ZMYM3: variants seen among roughly 807,000 people sequenced by gnomAD.
The protein encoded by ZMYM3 is zinc finger MYM-type containing 3.
ZMYM3 carries 6 observed loss-of-function variants against 94.2 expected under a neutral mutation model. That is an observed-to-expected ratio of 0.06 (90% CI 0.03 to 0.13). The LOEUF (loss-of-function observed/expected upper bound fraction) is 0.13. Among genes scored for constraint, ZMYM3 ranks in the 10% least tolerant of loss-of-function variants. The pLI, the probability that ZMYM3 is intolerant of heterozygous loss-of-function variation, is 1.00. For synonymous variants in ZMYM3, 420 were observed against 426.5 expected (o/e 0.98, Z 0.19); for missense variants, 664 against 1,132.6 (o/e 0.59, Z 5.94).
rs765302474 is a variant in ZMYM3, at chrX:71,247,905, G to C, written c.1977C>G (p.Gly659=). The C allele has an allele frequency of 1.3e-5, 16 of 1,187,889 alleles. No individual in the cohort carries two copies. The highest frequency in any genetic ancestry group is 1.7e-5 in the Non-Finnish European group (15 of 882,803). Reference sequence around the variant, plus strand: ...AGTCCTGTTTGTACAGCAGCACACAGCCTGGAAAGAGGAGAAGAGGAAAGA... The same window carrying C: ...AGTCCTGTTTGTACAGCAGCACACACCCTGGAAAGAGGAGAAGAGGAAAGA... The part of the protein sequence containing the change: ...SGVEKSFCSE[G]CVLLYKQDFT... Residue 659 remains glycine, a splice_region_variant and synonymous_variant, in exon 12 of 25, where the codon GGC becomes GGG. Coordinates refer to ENST00000314425, the MANE Select transcript of ZMYM3 (RefSeq NM_201599.3).
intron 20 of ZMYM3, 83 bp from the exon 21 acceptor site, chrX:71,244,063 T>A: frequency 9.0e-7 from 1 of 1,110,955 alleles, no homozygotes; most frequent in Non-Finnish European, 1.2e-6. Context: ...CATTAACCCC[T>A]CCATCCCTTA....
At chrX:71,251,525 GA>G (rs1361460212) in intron 3 of ZMYM3, 32 bp downstream of exon 3, 15 of 1,174,263 alleles carry the variant, frequency 1.3e-5, no homozygotes, top group Non-Finnish European at 1.7e-5. Context: ...AGCTAAGGGG[GA>G]ACCAGACTCC....
chrX:71,247,919 G>A lies in ZMYM3; in HGVS notation c.1976-13C>T. The A allele has an allele frequency of 2.5e-6, 3 of 1,177,361 alleles. No individual in the cohort carries two copies. Among genetic ancestry groups the A allele is most frequent in the Non-Finnish European group, 3.4e-6 (3 of 876,997 alleles). On this transcript the variant is annotated splice_polypyrimidine_tract_variant and intron_variant, in intron 11 of 24. Transcript: ENST00000314425. ...AGCAGCACACAGCCTGGAAAGAGGA[G>A]AAGAGGAAAGAGAGTCCAGAGACAC... is the stretch of plus-strand genomic sequence containing the variant.
chrX:71,250,394 T>C, intron 5 of ZMYM3, 38 bp downstream of exon 5: 2 of 1,169,985 alleles, frequency 1.7e-6, no homozygotes, highest in Non-Finnish European at 2.3e-6. Flanking sequence ...CCTGCCCAGA[T>C]CCCTGCCCTC....
rs749424039 is a variant in ZMYM3, at chrX:71,252,665, C to G, written c.591G>C (p.Glu197Asp). 14 of 1,175,860 alleles carry G rather than the reference C, an allele frequency of 1.2e-5. No homozygotes were observed. Among genetic ancestry groups the G allele is most frequent in the Non-Finnish European group, 1.6e-5 (14 of 880,156 alleles). ...AACTGTTGATTCCATCCCCCAGAGT[C>G]TCTCCCACTGAAGGGCTAGGCGGGG... Reference protein sequence around the residue: ...PNAPPSPSVGETLGDGINSSQ... With the variant: ...PNAPPSPSVGDTLGDGINSSQ... The change falls in exon 2 of 25, where the codon GAG becomes GAC. Residue 197 changes from glutamate (E) to aspartate (D), a missense_variant. Transcript: ENST00000314425.
In ZMYM3 at chrX:71,246,980, G is replaced by A. The variant is rs2082255996; in HGVS notation, c.2315-288C>T. On this transcript the variant is annotated intron_variant, in intron 13 of 24. Transcript: ENST00000314425. ...TCTGTTATCCCTGGAGTTGTGGAGG[G>A]GCAGGGGTAACATTCTAGAAATAGC... Among the ~76,000 whole-genome samples the A allele has an allele frequency of 3.6e-5, 4 of 111,104 alleles. No homozygotes were observed. The South Asian group carries it at 1.5e-3, about 42-fold the overall frequency.
intron 14 of ZMYM3, 33 bp downstream of exon 14, chrX:71,246,562 G>A: frequency 8.3e-7 from 1 of 1,207,252 alleles, no homozygotes; most frequent in Non-Finnish European, 1.1e-6. Context: ...ACCCTCCTCT[G>A]AGATTATCCT....
At chrX:71,254,666 A>T (rs1294646990), upstream of ZMYM3, 2 of 76,019 alleles carry the variant, frequency 2.6e-5, no homozygotes, top group Non-Finnish European at 4.9e-5. Context: ...TACCTACGCC[A>T]TGCAGCAGGC....
At chrX:71,244,641 G>T in intron 19 of ZMYM3, 149 bp downstream of exon 19, 1 of 769,101 alleles carries the variant, frequency 1.3e-6, no homozygotes, top group Non-Finnish European at 1.9e-6. Context: ...GAGATGGGGG[G>T]AGAGCAAAGT....
chrX:71,253,092 C>A lies in ZMYM3; in HGVS notation c.164G>T (p.Gly55Val), dbSNP rs1420283380. The change falls in exon 2 of 25, where the codon GGA becomes GTA. Residue 55 changes from glycine (G) to valine (V), a missense_variant. By Grantham distance (109) the Gly-to-Val change is moderately radical (BLOSUM62 -3). This residue lies in a region of ZMYM3 where 196 missense variants were observed against 190.8 expected (regional missense o/e 1.03). Coordinates refer to ENST00000314425, the MANE Select transcript of ZMYM3 (RefSeq NM_201599.3). ...AGGGGTATCAAGCAGGTCCAGGGCT[C>A]CCGAGGATGGAGAAGGGCCAGGGGG... ...WAPPGPSPSS[G>V]ALDLLDTPAG... is the part of the protein sequence containing the mutation. The A allele has an allele frequency of 1.7e-6, 2 of 1,202,013 alleles. No homozygotes were observed. Among genetic ancestry groups the A allele is most frequent in the Non-Finnish European group, 1.1e-6 (1 of 890,551 alleles).
chrX:71,249,708 T>C, intron 6 of ZMYM3, 29 bp from the exon 7 acceptor site: 3 of 1,198,020 alleles, frequency 2.5e-6, no homozygotes, highest in Non-Finnish European at 3.4e-6. Context: ...CACCCTGAGC[T>C]AGGGCCTGGC....
At chrX:71,255,084 A>ATCTCCC (rs2030690935), upstream of ZMYM3, 2 of 20,823 alleles carry the variant, frequency 9.6e-5, no homozygotes, top group Non-Finnish European at 1.0e-4. Flanking sequence ...ACCAGGGCTG[A>ATCTCCC]TCTCTCTCTC....
Position 71,248,252 on chromosome X carries a change from C to T in ZMYM3, c.1885G>A (p.Val629Met), listed in dbSNP as rs945243252. The stretch of plus-strand genomic sequence containing the variant: ...CGACAGTGCTCACACTGGGACACCA[C>T]ACCCCGAAGCCGCTTGAAGTCCTCA... The part of the protein sequence containing the change: ...CCEDFKRLRG[V>M]VSQCEHCRQE... Residue 629 changes from valine (V) to methionine (M), a missense_variant, in exon 11 of 25, where the codon GTG becomes ATG. By Grantham distance (21) the Val-to-Met change is conservative (BLOSUM62 1). Around this residue, in one of 9 missense-constraint regions of ZMYM3, gnomAD observed 159 missense variants for 313.0 expected, o/e 0.51. Coordinates refer to ENST00000314425, the MANE Select transcript of ZMYM3 (RefSeq NM_201599.3). 1.7e-6 allele frequency: 2 copies of T among 1,209,165 alleles called. No individual in the cohort carries two copies. The highest frequency in any genetic ancestry group is 2.2e-6 in the Non-Finnish European group (2 of 894,128).
chrX:71,241,281 C>A lies in ZMYM3; in HGVS notation c.3866G>T (p.Arg1289Leu). ...EAPILEQREN[R>L]MNPLRCPVKF... ...GACAGGGCAGCGGAGGGGATTCATG[C>A]GGTTCTCACGCTGCTCTAAGATAGG... Residue 1289 changes from arginine to leucine, a missense_variant, in exon 24 of 25, where the codon CGC (arginine) becomes CTC (leucine). Around this residue, in one of 9 missense-constraint regions of ZMYM3, gnomAD observed 58 missense variants for 112.4 expected, o/e 0.52. Coordinates refer to ENST00000314425, the MANE Select transcript of ZMYM3 (RefSeq NM_201599.3). The A allele has an allele frequency of 8.3e-7, 1 of 1,207,974 alleles. No individual in the cohort carries two copies. Among genetic ancestry groups the A allele is most frequent in the South Asian group, 1.8e-5 (1 of 56,386 alleles).
chrX:71,248,130 A>C (rs1347308992), intron 11 of ZMYM3, 32 bp downstream of exon 11: 1 of 1,205,775 alleles, frequency 8.3e-7, no homozygotes, highest in African/African-American at 1.7e-5. Flanking sequence ...GCTGGGAGTT[A>C]TAGTGTCTTC....
rs752017260 is a variant in ZMYM3 at position 71,248,011 on chromosome X, C to T, written c.1976-105G>A. Reference sequence around the variant, plus strand: ...TACCTGAAACCTCTCTCTAAGCAGCCCCTTGTGCCCAAAACTTTAGGGGAG... The same window carrying T: ...TACCTGAAACCTCTCTCTAAGCAGCTCCTTGTGCCCAAAACTTTAGGGGAG... On this transcript the variant is annotated intron_variant, in intron 11 of 24. Transcript: ENST00000314425. 8.3e-6 allele frequency: 9 copies of T among 1,086,334 alleles called. No individual in the cohort carries two copies. The Admixed American group carries it at 1.8e-4, about 22-fold the overall frequency. 89.5% of individuals were successfully genotyped at this position (1,086,334 alleles called of 1,213,427 possible). A position where few individuals can be genotyped will look rare whatever the true frequency, so the allele number is the denominator to read the frequency against.
At chrX:71,243,608 C>CTT in intron 21 of ZMYM3, 1 of 368,733 alleles carries the variant, frequency 2.7e-6, no homozygotes, top group Non-Finnish European at 4.6e-6. Context: ...AGAATAACTG[C>CTT]TTTTTTTTTT....
chrX:71,247,809 G>A lies in ZMYM3; in HGVS notation c.2073C>T (p.Thr691=), dbSNP rs756698537. 4.7e-5 allele frequency: 57 copies of A among 1,210,195 alleles called. No individual in the cohort carries two copies. Among genetic ancestry groups the A allele is most frequent in the Admixed American group, 6.6e-5 (3 of 45,793 alleles). ...CCCAGGTGCTGCCATCCAGTTGCTCGGTGACTCCGCGCTGGCAGGTCTGGG... is the reference window on the plus strand; with the variant it reads ...CCCAGGTGCTGCCATCCAGTTGCTCAGTGACTCCGCGCTGGCAGGTCTGGG... ...YCSQTCQRGV[T]EQLDGSTWDF... The change falls in exon 12 of 25, where the codon ACC becomes ACT. Residue 691 remains threonine, a synonymous_variant. Coordinates refer to ENST00000314425, the MANE Select transcript of ZMYM3 (RefSeq NM_201599.3).
At position 71,253,149 on chromosome X, in the gene ZMYM3, TC is replaced by T; in HGVS notation, c.106del (p.Glu36AsnfsTer77). On this transcript the variant is annotated frameshift_variant, in exon 2 of 25. Transcript: ENST00000314425. LOFTEE classifies it high-confidence loss of function. ...TCCTCGAGTTGGGGCAGTCTGGGAT[TC>T]CAGTAGATCCTCTCCAAATTCCATG... is the stretch of plus-strand genomic sequence containing the variant. The part of the protein sequence containing the change: ...VDMEFGEDLL[E>X]SQTAPTRGWA... 1 of 1,204,991 alleles carries T rather than the reference TC, an allele frequency of 8.3e-7. No individual in the cohort carries two copies. The highest frequency in any genetic ancestry group is 1.1e-6 in the Non-Finnish European group (1 of 892,102).
Sources: allele counts gnomAD v4.1 joint callset (sites outside exome capture counted in the v4.1 genomes callset), GRCh38; gene constraint gnomAD v4.1.1; regional missense constraint gnomAD v4.1.1; transcripts MANE v1.5; gene names NCBI Gene and HGNC (gene_info 2026-07-23, HGNC 2026-07-21).